The following CD2AP variants were observed in gnomAD, a reference collection of about 807,000 sequenced individuals.
CD2AP encodes the protein CD2 associated protein.
CD2AP carries 46 observed loss-of-function variants against 85.1 expected under a neutral mutation model. That is an observed-to-expected ratio of 0.54 (90% CI 0.43 to 0.69). The LOEUF is 0.69. Among genes scored for constraint, CD2AP ranks in the 30% least tolerant of loss-of-function variants. The pLI is 0.00. For missense variants in CD2AP, 769 were observed against 729.5 expected (o/e 1.05, Z -0.62); for synonymous variants, 255 against 252.9 (o/e 1.01, Z -0.08).
intron 4 of CD2AP, among the ~76,000 whole-genome samples, chr6:47,552,394 A>G (rs770924980): frequency 1.3e-5 from 2 of 152,098 alleles, no homozygotes; most frequent in South Asian, 2.1e-4. Context: ...AGAACATACG[A>G]TGATTGGTTT....
intron 8 of CD2AP, among the ~76,000 whole-genome samples, chr6:47,577,740 C>T (rs1022480266): frequency 6.6e-6 from 1 of 151,840 alleles, no homozygotes; most frequent in South Asian, 2.1e-4. Flanking sequence ...TTCTGCCCCC[C>T]ACCCCCAACC....
At chr6:47,495,731 G>A (rs548195299) in intron 1 of CD2AP, among the ~76,000 whole-genome samples, 15 of 152,176 alleles carry the variant, frequency 9.9e-5, no homozygotes, top group Non-Finnish European at 2.2e-4. Context: ...GTAAGGGTGG[G>A]AGTGATGACT....
At chr6:47,619,095 T>G (rs1769677098) in intron 17 of CD2AP, among the ~76,000 whole-genome samples, 1 of 152,136 alleles carries the variant, frequency 6.6e-6, no homozygotes, top group Non-Finnish European at 1.5e-5. Context: ...TTTCCATACA[T>G]TATTGGGGTA....
intron 2 of CD2AP, among the ~76,000 whole-genome samples, chr6:47,524,591 A>G (rs1322382432): frequency 1.5e-5 from 2 of 136,242 alleles, no homozygotes; most frequent in African/African-American, 5.4e-5. Context: ...AGAATGAGTA[A>G]AGAGAAAAGT....
At position 47,478,188 on chromosome 6, in the gene CD2AP, C is replaced by CGG. The variant is rs1467088325; in HGVS notation, c.-57_-56insGG. Reference sequence around the variant, plus strand: ...CCGCGGGAGCGGCCGCGCGAGCCACCACTGGAGGAGGAGGAGGAGGAGCGG... The same window carrying CGG: ...CCGCGGGAGCGGCCGCGCGAGCCACCGGACTGGAGGAGGAGGAGGAGGAGCGG... On this transcript the variant is annotated 5_prime_UTR_variant, in exon 1 of 18. Coordinates refer to ENST00000359314, the MANE Select transcript of CD2AP (RefSeq NM_012120.3). 2 of 1,553,500 alleles carry CGG rather than the reference C, an allele frequency of 1.3e-6. No individual in the cohort carries two copies. Among genetic ancestry groups the CGG allele is most frequent in the Non-Finnish European group, 1.7e-6 (2 of 1,149,020 alleles).
At chr6:47,503,661 T>C (rs1185897124) in intron 2 of CD2AP, among the ~76,000 whole-genome samples, 2 of 152,224 alleles carry the variant, frequency 1.3e-5, no homozygotes, top group Non-Finnish European at 2.9e-5. Flanking sequence ...TATATGCTTG[T>C]ATATGGTTGT....
At chr6:47,529,352 C>T (rs936514434) in intron 2 of CD2AP, among the ~76,000 whole-genome samples, 5 of 152,088 alleles carry the variant, frequency 3.3e-5, no homozygotes, top group African/African-American at 9.7e-5. Flanking sequence ...CATGTTTGCA[C>T]GGGTTTTCTC....
At position 47,570,712 on chromosome 6, in the gene CD2AP, C is replaced by T. The variant is rs114149837; in HGVS notation, c.542-3352C>T. ...CACTTCACAGGAATAAATTAGTTTA[C>T]TTCTCATAGCAATCCTGTGAAGTTC... On this transcript the variant is annotated intron_variant, in intron 5 of 17. Transcript: ENST00000359314. 4.9e-3 allele frequency among the ~76,000 whole-genome samples: 741 copies of T among 152,236 alleles called. 6 individuals carry two copies. Among genetic ancestry groups the T allele is most frequent in the African/African-American group, 0.017 (694 of 41,560 alleles).
chr6:47,533,367 A>T (rs2114025286), intron 2 of CD2AP, among the ~76,000 whole-genome samples: 1 of 152,194 alleles, frequency 6.6e-6, no homozygotes, highest in South Asian at 2.1e-4. Context: ...GTGGGGTTTG[A>T]GCCTCTCTTT....
chr6:47,603,153 A>C (rs1398528888), intron 13 of CD2AP, among the ~76,000 whole-genome samples: 1 of 152,062 alleles, frequency 6.6e-6, no homozygotes, highest in Admixed American at 6.6e-5. Context: ...GAATTTAAAA[A>C]AATTTAGTTT....
chr6:47,478,145 C>A lies in CD2AP; in HGVS notation c.-100C>A, dbSNP rs1335889156. On this transcript the variant is annotated 5_prime_UTR_variant, in exon 1 of 18. Transcript: ENST00000359314. ...GAGCTCAGGAGGGGCTAGCGCGGAGCGCGGGTCCCGCCTCCAGCCGCGGGA... is the reference window on the plus strand; with the variant it reads ...GAGCTCAGGAGGGGCTAGCGCGGAGAGCGGGTCCCGCCTCCAGCCGCGGGA... 1 of 1,449,948 alleles carries A rather than the reference C, an allele frequency of 6.9e-7. No homozygotes were observed. Among genetic ancestry groups the A allele is most frequent in the African/African-American group, 1.4e-5 (1 of 71,104 alleles). 89.8% of individuals were successfully genotyped at this position (1,449,948 alleles called of 1,614,324 possible).
intron 8 of CD2AP, among the ~76,000 whole-genome samples, chr6:47,578,750 G>A (rs542263563): frequency 5.4e-4 from 81 of 149,428 alleles, no homozygotes; most frequent in African/African-American, 1.9e-3. Context: ...TCTGCCTCCC[G>A]AGTTCAAGCA....
chr6:47,488,025 CTTTTTT>C (rs35093088), intron 1 of CD2AP, among the ~76,000 whole-genome samples: 2 of 127,630 alleles, frequency 1.6e-5, no homozygotes, highest in South Asian at 2.6e-4. Flanking sequence ...GGATGAGATC[CTTTTTT>C]TTTTTTTTTT....
intron 11 of CD2AP, among the ~76,000 whole-genome samples, chr6:47,595,303 C>T (rs891986229): frequency 6.6e-6 from 1 of 151,896 alleles, no homozygotes; most frequent in South Asian, 2.1e-4. Flanking sequence ...TAATAAAATT[C>T]TTAGTGCAGT....
intron 16 of CD2AP, chr6:47,609,579 G>T: frequency 3.1e-6 from 1 of 325,040 alleles, no homozygotes. Context: ...CATCCCTGTG[G>T]TCCCAGCTAC....
intron 2 of CD2AP, among the ~76,000 whole-genome samples, chr6:47,508,401 T>C (rs1022626780): frequency 2.0e-5 from 3 of 152,232 alleles, no homozygotes; most frequent in Non-Finnish European, 2.9e-5. Context: ...CTTCAAACTT[T>C]TCTTCTGCAA....
intron 14 of CD2AP, 24 bp downstream of exon 14, chr6:47,606,301 A>G: frequency 7.8e-7 from 1 of 1,281,312 alleles, no homozygotes; most frequent in Non-Finnish European, 1.1e-6. Flanking sequence ...ATTGTCGTAA[A>G]CTACAGTATA....
chr6:47,575,235 G>T lies in CD2AP; in HGVS notation c.729+984G>T, dbSNP rs189910698. On this transcript the variant is annotated intron_variant, in intron 6 of 17. Coordinates refer to ENST00000359314, the MANE Select transcript of CD2AP (RefSeq NM_012120.3). ...AAGTTTGGAATTCTCATGGTTTTTG[G>T]GGTGGTGCTCTATAGCCATGTAACA... Among the ~76,000 whole-genome samples the T allele has an allele frequency of 2.5e-4, 38 of 152,176 alleles. No homozygotes were observed. The East Asian group carries it at 5.4e-3, about 22-fold the overall frequency.
intron 11 of CD2AP, among the ~76,000 whole-genome samples, chr6:47,583,453 A>G (rs1768535996): frequency 6.6e-6 from 1 of 152,078 alleles, no homozygotes; most frequent in Admixed American, 6.5e-5. Flanking sequence ...CTTGTCAACC[A>G]TTAATTTTTT....
Sources: gnomAD v4.1 joint callset for allele counts (sites outside exome capture counted in the v4.1 genomes callset) on GRCh38, gnomAD v4.1.1 for gene constraint, MANE v1.5 for transcripts, NCBI Gene and HGNC (gene_info 2026-07-23, HGNC 2026-07-21) for gene names.